CNTNAP5: variants seen among roughly 807,000 people sequenced by gnomAD.
The protein encoded by CNTNAP5 is contactin associated protein family member 5, also known as contactin-associated protein-like 5.
Under a neutral mutation model 150.2 loss-of-function variants are expected in CNTNAP5, and 72 were observed. That is an observed-to-expected ratio of 0.48 (90% CI 0.40 to 0.58). CNTNAP5 has a LOEUF of 0.58. Among genes scored for constraint, CNTNAP5 ranks in the 20% least tolerant of loss-of-function variants. CNTNAP5 has a pLI of 0.00. For missense variants in CNTNAP5, 1,636 were observed against 1,626.2 expected, an observed-to-expected ratio of 1.01 and a Z score of -0.10; for synonymous variants, 672 against 619.8, an observed-to-expected ratio of 1.08 and a Z score of -1.25.
intron 3 of CNTNAP5, among the ~76,000 whole-genome samples, chr2:124,335,088 C>G (rs1689438729): frequency 6.6e-6 from 1 of 152,022 alleles, no homozygotes; most frequent in South Asian, 2.1e-4. Context: ...TATCTGCTAC[C>G]ACAGGTGGTT....
chr2:124,336,488 A>G (rs1689471944), intron 3 of CNTNAP5, among the ~76,000 whole-genome samples: 1 of 150,808 alleles, frequency 6.6e-6, no homozygotes, highest in Non-Finnish European at 1.5e-5. Context: ...CTCGTCATTT[A>G]ACATTAGGTA....
At chr2:124,263,527 CT>C (rs1278612682) in intron 3 of CNTNAP5, among the ~76,000 whole-genome samples, 1 of 152,006 alleles carries the variant, frequency 6.6e-6, no homozygotes, top group African/African-American at 2.4e-5. Flanking sequence ...TGTTTGAGTT[CT>C]TTGTAGATTC....
chr2:124,755,277 A>G (rs1224247724), intron 14 of CNTNAP5, among the ~76,000 whole-genome samples: 2 of 152,166 alleles, frequency 1.3e-5, no homozygotes, highest in South Asian at 2.1e-4. Flanking sequence ...TAAATATACT[A>G]TCACTAAATT....
chr2:124,612,870 T>C (rs1014687219), intron 12 of CNTNAP5, among the ~76,000 whole-genome samples: 1 of 152,106 alleles, frequency 6.6e-6, no homozygotes, highest in African/African-American at 2.4e-5. Context: ...CTGACCAACA[T>C]GGTGAAAACC....
At chr2:124,656,698 A>G (rs1678464896) in intron 13 of CNTNAP5, among the ~76,000 whole-genome samples, 1 of 152,218 alleles carries the variant, frequency 6.6e-6, no homozygotes, top group African/African-American at 2.4e-5. Context: ...AATTATTTAA[A>G]TAATCAAAGT....
At chr2:124,567,397 C>T (rs1696049001) in intron 11 of CNTNAP5, among the ~76,000 whole-genome samples, 1 of 152,192 alleles carries the variant, frequency 6.6e-6, no homozygotes, top group Non-Finnish European at 1.5e-5. Flanking sequence ...TCAAAACTAC[C>T]TTTTTAAGAA....
At chr2:124,321,120 G>A (rs1377898233) in intron 3 of CNTNAP5, among the ~76,000 whole-genome samples, 2 of 152,168 alleles carry the variant, frequency 1.3e-5, no homozygotes, top group Non-Finnish European at 2.9e-5. Context: ...TAAGGATGCA[G>A]AGGAAATTCA....
intron 3 of CNTNAP5, among the ~76,000 whole-genome samples, chr2:124,358,092 G>T (rs1448140146): frequency 6.6e-6 from 1 of 152,160 alleles, no homozygotes; most frequent in Non-Finnish European, 1.5e-5. Context: ...GTTCACTCAT[G>T]GTTTGGCTCT....
At chr2:124,400,678 T>TTTTTTG (rs1691392441) in intron 3 of CNTNAP5, among the ~76,000 whole-genome samples, 1 of 105,914 alleles carries the variant, frequency 9.4e-6, no homozygotes, top group African/African-American at 2.8e-5. Flanking sequence ...TGTTTTTTTT[T>TTTTTTG]TTTTTTTTTT....
intron 16 of CNTNAP5, among the ~76,000 whole-genome samples, chr2:124,766,953 A>G (rs1163550074): frequency 6.6e-6 from 1 of 152,312 alleles, no homozygotes; most frequent in Non-Finnish European, 1.5e-5. Context: ...AACATTGAAA[A>G]GTTCAAGATC....
At chr2:124,820,706 T>G (rs944601792) in intron 19 of CNTNAP5, among the ~76,000 whole-genome samples, 5 of 152,190 alleles carry the variant, frequency 3.3e-5, no homozygotes, top group Non-Finnish European at 7.3e-5. Flanking sequence ...ATTCAACAAG[T>G]CATTATGCGC....
chr2:124,672,415 T>A (rs1678843683), intron 13 of CNTNAP5, among the ~76,000 whole-genome samples: 1 of 152,146 alleles, frequency 6.6e-6, no homozygotes, highest in Admixed American at 6.6e-5. Flanking sequence ...TTTGTAAAAT[T>A]TTTTACTTTA....
chr2:124,488,846 C>T (rs1024000056), intron 7 of CNTNAP5, among the ~76,000 whole-genome samples: 2 of 152,192 alleles, frequency 1.3e-5, no homozygotes, highest in Non-Finnish European at 2.9e-5. Flanking sequence ...TCTCCATATA[C>T]ACTTAAGAGA....
chr2:124,808,509 A>C (rs1470130739), intron 19 of CNTNAP5, among the ~76,000 whole-genome samples: 1 of 151,248 alleles, frequency 6.6e-6, no homozygotes, highest in Non-Finnish European at 1.5e-5. Context: ...AATGGCTTGA[A>C]CCTGGGAGGC....
intron 11 of CNTNAP5, among the ~76,000 whole-genome samples, chr2:124,567,878 T>C (rs1410325628): frequency 6.8e-6 from 1 of 147,960 alleles, no homozygotes; most frequent in Non-Finnish European, 1.5e-5. Context: ...GATAGATAGA[T>C]AGATATAGAT....
At chr2:124,202,451 C>T (rs373743289) in intron 1 of CNTNAP5, among the ~76,000 whole-genome samples, 131 of 150,734 alleles carry the variant, frequency 8.7e-4, no homozygotes, top group African/African-American at 3.0e-3. Context: ...ATGAATAAAT[C>T]CATCCTGCAG....
At chr2:124,517,941 G>T (rs1694765802) in intron 8 of CNTNAP5, among the ~76,000 whole-genome samples, 1 of 151,770 alleles carries the variant, frequency 6.6e-6, no homozygotes. Context: ...GGAGGGTGAT[G>T]ATGTTTATAA....
intron 2 of CNTNAP5, among the ~76,000 whole-genome samples, chr2:124,239,572 A>T (rs1234803389): frequency 2.6e-5 from 4 of 152,184 alleles, no homozygotes; most frequent in Non-Finnish European, 2.9e-5. Flanking sequence ...AAGGGAAACT[A>T]TGTTATATGC....
At chr2:124,448,242 C>T (rs977600233) in intron 6 of CNTNAP5, among the ~76,000 whole-genome samples, 24 of 149,310 alleles carry the variant, frequency 1.6e-4, no homozygotes, top group African/African-American at 2.2e-4. Flanking sequence ...CACTCCAGCC[C>T]GGGAGACAGA....
Sources: allele counts gnomAD v4.1 joint callset (sites outside exome capture counted in the v4.1 genomes callset), GRCh38; gene constraint gnomAD v4.1.1; transcripts MANE v1.5; gene names NCBI Gene and HGNC (gene_info 2026-07-23, HGNC 2026-07-21).